ANXA2: variants seen among roughly 807,000 people sequenced by gnomAD.
ANXA2 encodes annexin II.
Under a neutral mutation model 47.3 loss-of-function variants are expected in ANXA2, and 28 were observed. That is an observed-to-expected ratio of 0.59 (90% CI 0.44 to 0.81). ANXA2 has a LOEUF of 0.81. Ranked by LOEUF, ANXA2 falls within the 40% of genes least tolerant of loss-of-function variation. The pLI is 0.00. For missense variants in ANXA2, 384 were observed against 414.3 expected, an observed-to-expected ratio of 0.93 and a Z score of 0.64; for synonymous variants, 172 against 155.5, an observed-to-expected ratio of 1.11 and a Z score of -0.79.
At chr15:60,372,652 T>C (rs1332975110) in intron 3 of ANXA2, among the ~76,000 whole-genome samples, 1 of 151,704 alleles carries the variant, frequency 6.6e-6, no homozygotes, top group African/African-American at 2.4e-5. Context: ...CACTACCCTA[T>C]AGGACATTAA....
chr15:60,382,495 T>C (rs760092295), intron 2 of ANXA2, 54 bp from the exon 3 acceptor site: 15 of 1,277,464 alleles, frequency 1.2e-5, no homozygotes, highest in Non-Finnish European at 1.6e-5. Flanking sequence ...ATCCTCTTGT[T>C]GAAATAACAA....
intron 11 of ANXA2, among the ~76,000 whole-genome samples, chr15:60,350,120 AG>A: frequency 2.7e-5 from 1 of 36,654 alleles, no homozygotes; most frequent in African/African-American, 1.1e-4. Context: ...GCAGGGAGGG[AG>A]GGGAAGGCAG....
intron 3 of ANXA2, among the ~76,000 whole-genome samples, chr15:60,378,473 C>A (rs1019186953): frequency 3.3e-5 from 5 of 152,272 alleles, no homozygotes; most frequent in Middle Eastern, 3.4e-3. Flanking sequence ...AGACATACTT[C>A]CCAACTAAAA....
intron 3 of ANXA2, among the ~76,000 whole-genome samples, chr15:60,366,735 C>A (rs2062614951): frequency 7.6e-6 from 1 of 132,078 alleles, no homozygotes; most frequent in South Asian, 2.5e-4. Context: ...GGCTCCTCTG[C>A]CCGGCCGCCC....
Position 60,379,850 on chromosome 15 carries a change from T to C in ANXA2, c.148+2492A>G, listed in dbSNP as rs145960897. On this transcript the variant is annotated intron_variant, in intron 3 of 12. Coordinates refer to ENST00000451270, the MANE Select transcript of ANXA2 (RefSeq NM_004039.3). Reference sequence around the variant, plus strand: ...TCTAAAAACTACAGTATTTTTCTACTAACTCCAAAAGGCCTGAAGGTATTT... The same window carrying C: ...TCTAAAAACTACAGTATTTTTCTACCAACTCCAAAAGGCCTGAAGGTATTT... Among the ~76,000 whole-genome samples the C allele has an allele frequency of 2.6e-5, 4 of 152,340 alleles. No individual in the cohort carries two copies. In the East Asian group the frequency reaches 7.7e-4, roughly 29 times the overall value.
In ANXA2 at chr15:60,373,709, T is replaced by G. The variant is rs181293314; in HGVS notation, c.148+8633A>C. Among the ~76,000 whole-genome samples the G allele has an allele frequency of 7.2e-5, 11 of 152,302 alleles. No homozygotes were observed. In the East Asian group the frequency reaches 1.7e-3, roughly 24 times the overall value. On this transcript the variant is annotated intron_variant, in intron 3 of 12. Transcript: ENST00000451270. ...GGCACATTAGTTCTCTTCCTAGGCC[T>G]AGGTATCTCACCCCTATAGAACAGA...
intron 1 of ANXA2, among the ~76,000 whole-genome samples, chr15:60,392,251 A>G (rs1463385074): frequency 6.6e-6 from 1 of 152,236 alleles, no homozygotes; most frequent in Admixed American, 6.5e-5. Flanking sequence ...CTGATCATTA[A>G]TGAAATCAGT....
intron 3 of ANXA2, among the ~76,000 whole-genome samples, chr15:60,376,434 G>T (rs2062780386): frequency 6.6e-6 from 1 of 151,994 alleles, no homozygotes; most frequent in South Asian, 2.1e-4. Context: ...TCACAGGAGA[G>T]GGGTGACAAG....
intron 4 of ANXA2, among the ~76,000 whole-genome samples, chr15:60,362,274 A>G (rs1232153324): frequency 6.6e-6 from 1 of 152,100 alleles, no homozygotes; most frequent in Non-Finnish European, 1.5e-5. Context: ...CCCATTCTCT[A>G]TTCAAACCTC....
rs370137354 is a variant in ANXA2 at position 60,349,728 on chromosome 15, C to CAG, written c.838-533_838-532dup. ...AAAGACAGAGAGAGAGAGGGAAAGA[C>CAG]AGAGAGAGAGAGAGAAAGAAAGAGA... On this transcript the variant is annotated intron_variant, in intron 11 of 12. Coordinates refer to ENST00000451270, the MANE Select transcript of ANXA2 (RefSeq NM_004039.3). Among the ~76,000 whole-genome samples, 1,084 of 121,714 alleles carry CAG rather than the reference C, an allele frequency of 8.9e-3. 18 individuals carry two copies. Among genetic ancestry groups the CAG allele is most frequent in the African/African-American group, 0.033 (1,037 of 31,708 alleles). 79.8% of individuals were successfully genotyped at this position (121,714 alleles called of 152,430 possible).
At chr15:60,363,909 T>G (rs191054367) in intron 4 of ANXA2, among the ~76,000 whole-genome samples, 1 of 152,244 alleles carries the variant, frequency 6.6e-6, no homozygotes, top group Non-Finnish European at 1.5e-5. Context: ...AATGAGTTGC[T>G]ACATGTACAA....
chr15:60,355,603 C>A (rs7180174), intron 7 of ANXA2: 331,692 of 437,420 alleles, frequency 0.76, 126,919 homozygotes, highest in Admixed American at 0.86. Flanking sequence ...CCTGCATGAC[C>A]ACAGATAGAG....
chr15:60,385,927 G>A, intron 2 of ANXA2, 101 bp downstream of exon 2: 1 of 719,160 alleles, frequency 1.4e-6, no homozygotes, highest in Non-Finnish European at 2.3e-6. Flanking sequence ...TGTCTGAATT[G>A]TCCCCATCTT....
At chr15:60,360,141 A>G (rs1007237797) in intron 5 of ANXA2, among the ~76,000 whole-genome samples, 6 of 152,182 alleles carry the variant, frequency 3.9e-5, no homozygotes, top group Non-Finnish European at 5.9e-5. Flanking sequence ...CTGTAATCCC[A>G]GCTACTCGGG....
At chr15:60,351,492 A>G (rs1479546683) in intron 10 of ANXA2, 2 of 615,370 alleles carry the variant, frequency 3.3e-6, no homozygotes, top group East Asian at 5.5e-5. Context: ...AGTTTCCACA[A>G]CACACCCCTC....
Position 60,357,513 on chromosome 15 carries a change from G to C in ANXA2, c.358-277C>G, listed in dbSNP as rs188863745. Among the ~76,000 whole-genome samples the C allele has an allele frequency of 8.5e-5, 13 of 152,194 alleles. No homozygotes were observed. The East Asian group carries it at 2.5e-3, about 29-fold the overall frequency. ...TTTTTTTTTTAAGTAGTGAATAGGG[G>C]CTGGGCACAGTGGCTCACGCCTGTA... On this transcript the variant is annotated intron_variant, in intron 5 of 12. Transcript: ENST00000451270.
chr15:60,385,045 C>T (rs1035026312), intron 2 of ANXA2, among the ~76,000 whole-genome samples: 1 of 152,068 alleles, frequency 6.6e-6, no homozygotes, highest in Admixed American at 6.6e-5. Context: ...TTTAACTTCA[C>T]ATATAGCTTA....
chr15:60,370,909 C>T (rs549862124), intron 3 of ANXA2, among the ~76,000 whole-genome samples: 5 of 152,288 alleles, frequency 3.3e-5, no homozygotes, highest in Non-Finnish European at 7.3e-5. Context: ...CCTCGTGTGT[C>T]TGATATGAGT....
chr15:60,348,938 A>T (rs972247869), intron 12 of ANXA2, 137 bp downstream of exon 12: 37 of 915,698 alleles, frequency 4.0e-5, no homozygotes, highest in Non-Finnish European at 5.3e-5. Context: ...AATCCCTGAT[A>T]GTTGATGACT....
Sources: allele counts gnomAD v4.1 joint callset (sites outside exome capture counted in the v4.1 genomes callset), GRCh38; gene constraint gnomAD v4.1.1; transcripts MANE v1.5; gene names NCBI Gene and HGNC (gene_info 2026-07-23, HGNC 2026-07-21).